The following ABCC4 variants were observed in gnomAD, a reference collection of about 807,000 sequenced individuals.
ABCC4 encodes the protein ATP binding cassette subfamily C member 4 (PEL blood group).
Under a neutral mutation model 168.5 loss-of-function variants are expected in ABCC4, and 102 were observed. That is an observed-to-expected ratio of 0.61 (90% CI 0.52 to 0.71). The LOEUF is 0.71. Among genes scored for constraint, ABCC4 ranks in the 30% least tolerant of loss-of-function variants. ABCC4 has a pLI of 0.00. For missense variants in ABCC4, 1,402 were observed against 1,605.8 expected, an observed-to-expected ratio of 0.87 and a Z score of 2.17; for synonymous variants, 617 against 590.7, an observed-to-expected ratio of 1.04 and a Z score of -0.65.
At chr13:95,227,971 T>C (rs548601118) in intron 4 of ABCC4, among the ~76,000 whole-genome samples, 1 of 152,260 alleles carries the variant, frequency 6.6e-6, no homozygotes, top group Admixed American at 6.5e-5. Context: ...TGGCCTCCCA[T>C]AGTGTTGGGA....
chr13:95,139,842 T>G (rs2036260987), intron 19 of ABCC4, among the ~76,000 whole-genome samples: 1 of 152,188 alleles, frequency 6.6e-6, no homozygotes, highest in Non-Finnish European at 1.5e-5. Flanking sequence ...GTGCTAAAAG[T>G]CTGGGTGGTT....
chr13:95,169,982 G>A (rs1163292455), intron 14 of ABCC4, among the ~76,000 whole-genome samples: 1 of 152,138 alleles, frequency 6.6e-6, no homozygotes, highest in African/African-American at 2.4e-5. Context: ...TCAGCCTCCT[G>A]AGTAGCTGGG....
intron 27 of ABCC4, among the ~76,000 whole-genome samples, chr13:95,044,839 TAG>T (rs1324397899): frequency 4.6e-5 from 7 of 152,154 alleles, no homozygotes; most frequent in Admixed American, 4.6e-4. Context: ...TACAGAAATT[TAG>T]AGAGACAATA....
At chr13:95,164,651 G>T in intron 15 of ABCC4, 133 bp from the exon 16 acceptor site, 3 of 854,520 alleles carry the variant, frequency 3.5e-6, no homozygotes, top group Non-Finnish European at 3.5e-6. Flanking sequence ...GTGGAGAAGG[G>T]TGTGGAAATA....
At chr13:95,060,560 T>G (rs1023627098) in intron 26 of ABCC4, among the ~76,000 whole-genome samples, 3 of 152,348 alleles carry the variant, frequency 2.0e-5, no homozygotes, top group Non-Finnish European at 4.4e-5. Context: ...TTTGGCCCAT[T>G]TTTGAGATGG....
rs532319366 is a variant in ABCC4 at position 95,163,027 on chromosome 13, A to C, written c.2308+95T>G. On this transcript the variant is annotated intron_variant, in intron 18 of 30. Coordinates refer to ENST00000645237, the MANE Select transcript of ABCC4 (RefSeq NM_005845.5). ...ACTGAGACTCCTGATCTGTTAAGAC[A>C]TTACTGAATGACTCCTGGAAGCCCT... 79 of 809,538 alleles carry C rather than the reference A, an allele frequency of 9.8e-5. No homozygotes were observed. In the African/African-American group the frequency reaches 1.3e-3, roughly 13 times the overall value. The allele number at this position is 809,538 out of a possible 1,614,324, so 50.1% of individuals were successfully genotyped here. A position where few individuals can be genotyped will look rare whatever the true frequency, so the allele number is the denominator to read the frequency against.
chr13:95,194,857 A>G lies in ABCC4; in HGVS notation c.1242T>C (p.Asp414=). 1 of 1,614,104 alleles carries G rather than the reference A, an allele frequency of 6.2e-7. No homozygotes were observed. The highest frequency in any genetic ancestry group is 8.5e-7 in the Non-Finnish European group (1 of 1,179,986). ...SDGKKMVHVQ[D]FTAFWDKASE... Reference sequence around the variant, plus strand: ...TTACCTTATCCCAAAAAGCAGTAAAATCCTGCACATGCACCATCTTTTTAC... The same window carrying G: ...TTACCTTATCCCAAAAAGCAGTAAAGTCCTGCACATGCACCATCTTTTTAC... Residue 414 remains aspartate (D), a synonymous_variant, in exon 9 of 31, where the codon GAT becomes GAC. Transcript: ENST00000645237.
At chr13:95,283,360 G>GTTT (rs2041176596) in intron 1 of ABCC4, among the ~76,000 whole-genome samples, 1 of 124,612 alleles carries the variant, frequency 8.0e-6, no homozygotes, top group Admixed American at 9.8e-5. Context: ...GTTTTTCTGT[G>GTTT]GTTTTTTTTT....
chr13:95,148,404 C>T lies in ABCC4; in HGVS notation c.2455+12785G>A, dbSNP rs1365057548. Among the ~76,000 whole-genome samples the T allele has an allele frequency of 7.2e-5, 11 of 152,008 alleles. No individual in the cohort carries two copies. The South Asian group carries it at 1.0e-3, about 14-fold the overall frequency. On this transcript the variant is annotated intron_variant, in intron 19 of 30. Coordinates refer to ENST00000645237, the MANE Select transcript of ABCC4 (RefSeq NM_005845.5). Reference sequence around the variant, plus strand: ...TCCCAAATCATATAGTGATTTAAATCCCCTATTAGAAAATAAAGAAAAATC... The same window carrying T: ...TCCCAAATCATATAGTGATTTAAATTCCCTATTAGAAAATAAAGAAAAATC...
intron 19 of ABCC4, among the ~76,000 whole-genome samples, chr13:95,147,693 C>G (rs550190712): frequency 6.6e-6 from 1 of 152,102 alleles, no homozygotes; most frequent in Non-Finnish European, 1.5e-5. Context: ...TAAGTTTCTC[C>G]TACTCCTAAG....
At chr13:95,259,562 A>T (rs1040893705) in intron 1 of ABCC4, among the ~76,000 whole-genome samples, 70 of 152,268 alleles carry the variant, frequency 4.6e-4, no homozygotes, top group African/African-American at 1.7e-3. Context: ...TCCCCATCCC[A>T]AGTCCTGACA....
chr13:95,241,194 C>T (rs1393834195), intron 3 of ABCC4, among the ~76,000 whole-genome samples: 1 of 151,916 alleles, frequency 6.6e-6, no homozygotes, highest in Non-Finnish European at 1.5e-5. Context: ...GAAACCCCAT[C>T]TCTACTAAAA....
intron 14 of ABCC4, among the ~76,000 whole-genome samples, chr13:95,167,177 CATAAATAAATAAATAA>C (rs57260755): frequency 0.057 from 8,223 of 143,416 alleles, 331 homozygotes; most frequent in Middle Eastern, 0.14. Flanking sequence ...AACTCCATCT[CATAAATAAATAAATAA>C]ATAAATAAAT....
At chr13:95,078,738 A>G (rs1010073516) in intron 21 of ABCC4, among the ~76,000 whole-genome samples, 2 of 152,220 alleles carry the variant, frequency 1.3e-5, no homozygotes, top group African/African-American at 4.8e-5. Context: ...GTTCAGAGAA[A>G]TCACTAGAAC....
At chr13:95,086,881 T>C (rs2034275213) in intron 20 of ABCC4, among the ~76,000 whole-genome samples, 1 of 152,316 alleles carries the variant, frequency 6.6e-6, no homozygotes, top group Admixed American at 6.5e-5. Flanking sequence ...TATTAAAACA[T>C]AAAATCAGGA....
intron 1 of ABCC4, among the ~76,000 whole-genome samples, chr13:95,251,439 G>A (rs2040257444): frequency 6.6e-6 from 1 of 152,014 alleles, no homozygotes; most frequent in African/African-American, 2.4e-5. Flanking sequence ...CTCTTTAATG[G>A]ACAAGTTCAA....
At chr13:95,068,524 C>T (rs375510957) in intron 25 of ABCC4, among the ~76,000 whole-genome samples, 48 of 126,840 alleles carry the variant, frequency 3.8e-4, no homozygotes, top group African/African-American at 1.2e-3. Context: ...ACTCGGGAGG[C>T]TGAGGCAGGA....
chr13:95,234,608 AC>A lies in ABCC4; in HGVS notation c.531+1del. On this transcript the variant is annotated splice_donor_variant, in intron 4 of 30. Coordinates refer to ENST00000645237, the MANE Select transcript of ABCC4 (RefSeq NM_005845.5). LOFTEE classifies it high-confidence loss of function. Reference sequence around the variant, plus strand: ...ACATGTTTAATGCTGAATGTCACTTACCTTCCGATAAATCATATGGCACATG... The same window carrying A: ...ACATGTTTAATGCTGAATGTCACTTACTTCCGATAAATCATATGGCACATG... 1 of 1,611,694 alleles carries A rather than the reference AC, an allele frequency of 6.2e-7. No individual in the cohort carries two copies. Among genetic ancestry groups the A allele is most frequent in the Non-Finnish European group, 8.5e-7 (1 of 1,177,846 alleles).
intron 1 of ABCC4, among the ~76,000 whole-genome samples, chr13:95,271,965 A>C (rs1440399232): frequency 6.6e-6 from 1 of 152,210 alleles, no homozygotes; most frequent in East Asian, 1.9e-4. Context: ...TTGAATATAC[A>C]CAAAGAGGTG....
Sources: allele counts gnomAD v4.1 joint callset (sites outside exome capture counted in the v4.1 genomes callset), GRCh38; gene constraint gnomAD v4.1.1; transcripts MANE v1.5; gene names NCBI Gene and HGNC (gene_info 2026-07-23, HGNC 2026-07-21).